CCDC73: variants seen among roughly 807,000 people sequenced by gnomAD.
CCDC73 encodes the protein coiled-coil domain-containing protein 73.
CCDC73 carries 95 observed loss-of-function variants against 116.5 expected under a neutral mutation model. That is an observed-to-expected ratio of 0.82 (90% CI 0.69 to 0.97). The LOEUF is 0.97. Among genes scored for constraint, CCDC73 ranks in the 50% least tolerant of loss-of-function variants. The pLI, the probability that CCDC73 is intolerant of heterozygous loss-of-function variation, is 0.00. For missense variants in CCDC73, 1,066 were observed against 1,206.8 expected (o/e 0.88, Z 1.73); for synonymous variants, 398 against 401.3 (o/e 0.99, Z 0.10).
the CCDC73 span, among the ~76,000 whole-genome samples, chr11:32,810,452 C>T: frequency 6.6e-6 from 1 of 152,020 alleles, no homozygotes; most frequent in Admixed American, 6.6e-5. Flanking sequence ...AATTATTTAC[C>T]CAAAGTCACA....
At chr11:32,635,532 T>C (rs987369351) in intron 14 of CCDC73, among the ~76,000 whole-genome samples, 164 bp downstream of exon 14, 1 of 152,180 alleles carries the variant, frequency 6.6e-6, no homozygotes, top group Non-Finnish European at 1.5e-5. Context: ...TCAATTCTTA[T>C]GTCATACTGT....
chr11:32,784,754 A>G (rs1850612514), intron 1 of CCDC73, among the ~76,000 whole-genome samples: 1 of 152,244 alleles, frequency 6.6e-6, no homozygotes, highest in Admixed American at 6.5e-5. Context: ...TGTCCTCTTC[A>G]TTCTCCTTTT....
At chr11:32,716,313 C>T (rs900820328) in intron 3 of CCDC73, among the ~76,000 whole-genome samples, 1 of 152,072 alleles carries the variant, frequency 6.6e-6, no homozygotes, top group Non-Finnish European at 1.5e-5. Flanking sequence ...TAAAGGCCAC[C>T]GTTAACATTC....
intron 3 of CCDC73, among the ~76,000 whole-genome samples, chr11:32,707,948 G>T (rs1849869467): frequency 6.6e-6 from 1 of 152,046 alleles, no homozygotes; most frequent in African/African-American, 2.4e-5. Flanking sequence ...AATAACTTTG[G>T]GTTCTTGTCA....
intron 6 of CCDC73, among the ~76,000 whole-genome samples, chr11:32,693,816 C>T (rs1170464797): frequency 6.6e-6 from 1 of 152,200 alleles, no homozygotes; most frequent in East Asian, 1.9e-4. Flanking sequence ...ACAAAAACCA[C>T]ATGATTATCT....
At chr11:32,797,328 G>A (rs1231187160), upstream of CCDC73, among the ~76,000 whole-genome samples, 2 of 152,114 alleles carry the variant, frequency 1.3e-5, no homozygotes, top group African/African-American at 4.8e-5. Context: ...CAAAAAACAA[G>A]TTTAGAACTC....
At chr11:32,782,617 T>G (rs1057395930) in intron 1 of CCDC73, among the ~76,000 whole-genome samples, 6 of 152,120 alleles carry the variant, frequency 3.9e-5, no homozygotes, top group African/African-American at 1.2e-4. Context: ...TAAAACAAAC[T>G]GAAATTTTAA....
chr11:32,830,053 G>C, the CCDC73 span: 3 of 987,404 alleles, frequency 3.0e-6, no homozygotes, highest in Non-Finnish European at 2.4e-6. Context: ...TGCGGAGAGC[G>C]AGGCCCGGAG....
At chr11:32,777,776 G>A (rs1454341295) in intron 1 of CCDC73, among the ~76,000 whole-genome samples, 1 of 152,054 alleles carries the variant, frequency 6.6e-6, no homozygotes, top group African/African-American at 2.4e-5. Flanking sequence ...AGAGATTTAA[G>A]GTGGTGATTT....
At chr11:32,665,723 CT>C (rs1001940948) in intron 9 of CCDC73, among the ~76,000 whole-genome samples, 30 of 152,198 alleles carry the variant, frequency 2.0e-4, no homozygotes, top group African/African-American at 7.2e-4. Context: ...GGTTATTTTC[CT>C]TGTTAGTTGA....
chr11:32,649,356 G>A (rs1182813571), intron 12 of CCDC73, among the ~76,000 whole-genome samples: 1 of 152,052 alleles, frequency 6.6e-6, no homozygotes, highest in African/African-American at 2.4e-5. Context: ...TATGACTACA[G>A]GAACATAACT....
intron 13 of CCDC73, among the ~76,000 whole-genome samples, chr11:32,640,746 T>C (rs1372893971): frequency 1.3e-5 from 2 of 152,084 alleles, no homozygotes; most frequent in Non-Finnish European, 2.9e-5. Flanking sequence ...GGCTGGGCGA[T>C]GTGGCTCACG....
At chr11:32,830,018 T>C in the CCDC73 span, 1 of 985,794 alleles carries the variant, frequency 1.0e-6, no homozygotes, top group Non-Finnish European at 1.2e-6. Context: ...CTTCCCAGGT[T>C]TGCGCGCGGG....
At chr11:32,653,550 G>T (rs1440185285) in intron 11 of CCDC73, among the ~76,000 whole-genome samples, 1 of 152,078 alleles carries the variant, frequency 6.6e-6, no homozygotes, top group Non-Finnish European at 1.5e-5. Flanking sequence ...GTCATATGAG[G>T]TATAATATTA....
chr11:32,751,665 G>T (rs912198700), intron 2 of CCDC73, among the ~76,000 whole-genome samples: 4 of 152,178 alleles, frequency 2.6e-5, no homozygotes, highest in Admixed American at 6.5e-5. Context: ...GCTGGGGGAG[G>T]GGTGGAGTTG....
intron 3 of CCDC73, among the ~76,000 whole-genome samples, chr11:32,712,809 T>C (rs1311159029): frequency 6.6e-6 from 1 of 151,996 alleles, no homozygotes; most frequent in Non-Finnish European, 1.5e-5. Context: ...ATATAGCATA[T>C]ATAAATGCTT....
chr11:32,830,276 G>T, the CCDC73 span: 5 of 940,558 alleles, frequency 5.3e-6, no homozygotes, highest in African/African-American at 8.6e-5. Context: ...GGTTGCCCGC[G>T]GCGACAGGTG....
At chr11:32,636,327 C>A (rs1393600383) in intron 13 of CCDC73, among the ~76,000 whole-genome samples, 3 of 151,982 alleles carry the variant, frequency 2.0e-5, no homozygotes, top group Non-Finnish European at 4.4e-5. Flanking sequence ...TTACAAATTG[C>A]ACATACAGAT....
At chr11:32,734,095 C>G (rs1850104586) in intron 2 of CCDC73, among the ~76,000 whole-genome samples, 12 of 152,242 alleles carry the variant, frequency 7.9e-5, no homozygotes, top group Admixed American at 7.2e-4. Flanking sequence ...GGGATATCAC[C>G]ACTGATCCCA....
Sources: gnomAD v4.1 joint callset for allele counts (sites outside exome capture counted in the v4.1 genomes callset) on GRCh38, gnomAD v4.1.1 for gene constraint, MANE v1.5 for transcripts, NCBI Gene and HGNC (gene_info 2026-07-23, HGNC 2026-07-21) for gene names.